Variants in SORCS3 observed in about 807,000 individuals in gnomAD.
The protein encoded by SORCS3 is VPS10 domain-containing receptor SorCS3.
Under a neutral mutation model 146.3 loss-of-function variants are expected in SORCS3, and 57 were observed. The ratio of observed to expected loss-of-function variants is 0.39; its 90% CI spans 0.31 to 0.49. SORCS3 has a LOEUF of 0.49. SORCS3 is among the 20% of genes least tolerant of loss of function. The pLI is 0.92. For synonymous variants in SORCS3, 653 were observed against 618.5 expected (o/e 1.06, Z -0.83); for missense variants, 1,341 against 1,575.5 (o/e 0.85, Z 2.52).
intron 18 of SORCS3, among the ~76,000 whole-genome samples, chr10:105,215,324 T>C (rs1481282002): frequency 6.6e-6 from 1 of 152,222 alleles, no homozygotes; most frequent in Non-Finnish European, 1.5e-5. Context: ...CAGGAAGGCT[T>C]GCTTGATTGA....
chr10:105,209,176 T>C (rs772836509), intron 16 of SORCS3, among the ~76,000 whole-genome samples: 1 of 152,038 alleles, frequency 6.6e-6, no homozygotes, highest in Non-Finnish European at 1.5e-5. Flanking sequence ...AGTTTCGCTC[T>C]TGTTGCCCAG....
chr10:104,737,049 G>A (rs1045458486), intron 1 of SORCS3, among the ~76,000 whole-genome samples: 7 of 151,828 alleles, frequency 4.6e-5, no homozygotes, highest in Admixed American at 2.6e-4. Flanking sequence ...TTGTCCTTGC[G>A]ATAGTTTACT....
chr10:105,252,857 C>T lies in SORCS3; in HGVS notation c.3188C>T (p.Pro1063Leu). 6.2e-7 allele frequency: 1 copy of T among 1,613,974 alleles called. No homozygotes were observed. The highest frequency in any genetic ancestry group is 1.1e-5 in the South Asian group (1 of 91,042). Reference protein sequence around the residue: ...PTSAELFILPPKNLTERRKGN... With the variant: ...PTSAELFILPLKNLTERRKGN... ...TCAGCAGAGCTTTTCATTCTTCCAC[C>T]CAAGAACCTGACAGAGAGGAGGAAA... Residue 1063 changes from proline to leucine, a missense_variant, in exon 23 of 27, where the codon CCC (proline) becomes CTC (leucine). Pro to Leu is a moderately conservative substitution (Grantham distance 98, BLOSUM62 -3). Transcript: ENST00000369701.
chr10:104,696,248 G>C (rs62646907), intron 1 of SORCS3, among the ~76,000 whole-genome samples: 1 of 31,392 alleles, frequency 3.2e-5, no homozygotes, highest in African/African-American at 1.4e-4. Flanking sequence ...ATACACATAT[G>C]ATATATGATA....
intron 11 of SORCS3, among the ~76,000 whole-genome samples, chr10:105,163,179 C>CT (rs2119514740): frequency 6.6e-6 from 1 of 152,266 alleles, no homozygotes; most frequent in East Asian, 1.9e-4. Context: ...TATCTGTGTG[C>CT]TTCCTGATGC....
At chr10:104,982,186 A>C (rs2054935235) in intron 4 of SORCS3, among the ~76,000 whole-genome samples, 1 of 152,186 alleles carries the variant, frequency 6.6e-6, no homozygotes. Context: ...CACAGGACCC[A>C]GTACAGAGGA....
intron 1 of SORCS3, among the ~76,000 whole-genome samples, chr10:104,800,987 G>C (rs2017617774): frequency 6.6e-6 from 1 of 152,222 alleles, no homozygotes; most frequent in South Asian, 2.1e-4. Context: ...AGTCAGCACT[G>C]AGTCTTCCTT....
intron 4 of SORCS3, among the ~76,000 whole-genome samples, chr10:104,993,053 C>T (rs1035793104): frequency 6.6e-6 from 1 of 152,050 alleles, no homozygotes; most frequent in Non-Finnish European, 1.5e-5. Flanking sequence ...TTTTTGACTG[C>T]CTAGAAGTCA....
intron 3 of SORCS3, among the ~76,000 whole-genome samples, 176 bp from the exon 4 acceptor site, chr10:104,977,159 C>T (rs55897337): frequency 0.043 from 6,603 of 152,008 alleles, 182 homozygotes; most frequent in East Asian, 0.14. Context: ...TACCTCAATT[C>T]GACAATGAGA....
At chr10:104,713,018 A>C (rs1316433420) in intron 1 of SORCS3, among the ~76,000 whole-genome samples, 1 of 152,170 alleles carries the variant, frequency 6.6e-6, no homozygotes, top group African/African-American at 2.4e-5. Context: ...GTAACTGGGC[A>C]GGTTTTATTT....
intron 1 of SORCS3, among the ~76,000 whole-genome samples, chr10:104,804,153 A>G (rs1341291494): frequency 6.6e-6 from 1 of 152,228 alleles, no homozygotes; most frequent in Non-Finnish European, 1.5e-5. Flanking sequence ...CACATGGATC[A>G]TCTCACTTGA....
intron 8 of SORCS3, among the ~76,000 whole-genome samples, chr10:105,146,364 A>AT (rs924284097): frequency 3.3e-5 from 5 of 151,532 alleles, no homozygotes; most frequent in African/African-American, 4.8e-5. Context: ...CTGTCTTTAA[A>AT]TTTTTTTTTA....
At chr10:105,013,982 G>GACAC (rs71952036) in intron 4 of SORCS3, among the ~76,000 whole-genome samples, 15,670 of 144,622 alleles carry the variant, frequency 0.11, 995 homozygotes, top group Middle Eastern at 0.16. Context: ...CAGACACACA[G>GACAC]ACACACACAC....
At chr10:105,247,957 G>T (rs2056877037) in intron 22 of SORCS3, among the ~76,000 whole-genome samples, 1 of 152,074 alleles carries the variant, frequency 6.6e-6, no homozygotes, top group Non-Finnish European at 1.5e-5. Context: ...CACTTGTCTG[G>T]CTCTTTGTTC....
chr10:104,936,854 G>C (rs1350115395), intron 3 of SORCS3, among the ~76,000 whole-genome samples: 1 of 152,194 alleles, frequency 6.6e-6, no homozygotes, highest in African/African-American at 2.4e-5. Flanking sequence ...CTTGGTCTCT[G>C]TCCAAGGAAA....
chr10:105,021,684 A>T (rs191217632), intron 4 of SORCS3, among the ~76,000 whole-genome samples: 3 of 152,128 alleles, frequency 2.0e-5, no homozygotes, highest in Non-Finnish European at 2.9e-5. Context: ...TATAACATCC[A>T]TCTCTGTGGT....
At chr10:105,031,315 C>A (rs2055265207) in intron 4 of SORCS3, among the ~76,000 whole-genome samples, 1 of 125,974 alleles carries the variant, frequency 7.9e-6, no homozygotes, top group South Asian at 2.6e-4. Context: ...AACAAACAAA[C>A]AACACACACA....
chr10:105,250,225 G>GCC (rs1405257836), intron 22 of SORCS3, among the ~76,000 whole-genome samples: 1 of 152,028 alleles, frequency 6.6e-6, no homozygotes, highest in African/African-American at 2.4e-5. Context: ...ACCTCTCAAG[G>GCC]CCCCACCCTG....
rs34464920 is a variant in SORCS3 at position 105,018,815 on chromosome 10, CCTCT to C, written c.955-24230_955-24227del. Among the ~76,000 whole-genome samples the C allele has an allele frequency of 4.6e-5, 7 of 151,110 alleles. No homozygotes were observed. In the East Asian group the frequency reaches 1.2e-3, roughly 25 times the overall value. ...TGAATCTCTCTCTCACTTTCTATTA[CCTCT>C]CTCTCTCTCAAACTTATATTATTGG... On this transcript the variant is annotated intron_variant, in intron 4 of 26. Coordinates refer to ENST00000369701, the MANE Select transcript of SORCS3 (RefSeq NM_014978.3).
Sources: gnomAD v4.1 joint callset for allele counts (sites outside exome capture counted in the v4.1 genomes callset) on GRCh38, gnomAD v4.1.1 for gene constraint, MANE v1.5 for transcripts, NCBI Gene and HGNC (gene_info 2026-07-23, HGNC 2026-07-21) for gene names.